The following KANK3 variants were observed in gnomAD, a reference collection of about 807,000 sequenced individuals.
KANK3 encodes KN motif and ankyrin repeat domains 3.
A neutral mutation model predicts 65.4 loss-of-function variants in KANK3; 61 were observed. That is an observed-to-expected ratio of 0.93 (90% CI 0.76 to 1.15). KANK3 has a LOEUF of 1.15. KANK3 is among the 50% of genes most tolerant of loss of function. The probability of loss-of-function intolerance (pLI) is 0.00; values close to 1 mark genes in which losing one functional copy is unlikely to be tolerated. For missense variants in KANK3, 1,187 were observed against 1,178.8 expected (o/e 1.01, Z -0.10); for synonymous variants, 586 against 543.3 (o/e 1.08, Z -1.09).
At chr19:8,338,106 C>A in intron 1 of KANK3, 2 of 381,200 alleles carry the variant, frequency 5.2e-6, no homozygotes, top group Non-Finnish European at 7.2e-6. Context: ...ATTGCAGCCT[C>A]CCCCTCCCGG....
At chr19:8,332,937 C>T in intron 7 of KANK3, 77 bp downstream of exon 7, 1 of 1,257,844 alleles carries the variant, frequency 8.0e-7, no homozygotes, top group Non-Finnish European at 1.1e-6. Context: ...TCTCCAGAGT[C>T]TTTGAGCCTA....
chr19:8,337,624 G>A (rs1158799625), intron 2 of KANK3, among the ~76,000 whole-genome samples, 171 bp downstream of exon 2: 1 of 152,162 alleles, frequency 6.6e-6, no homozygotes, highest in Admixed American at 6.6e-5. Context: ...GGGATTACAG[G>A]CATGAGCCAC....
intron 2 of KANK3, among the ~76,000 whole-genome samples, chr19:8,336,007 C>T (rs913490458): frequency 1.5e-4 from 23 of 152,248 alleles, no homozygotes; most frequent in Admixed American, 6.5e-5. Flanking sequence ...ACATCCCTGT[C>T]CTCCTGTAGA....
chr19:8,334,108 C>T lies in KANK3; in HGVS notation c.1436G>A (p.Ser479Asn). 1 of 1,516,398 alleles carries T rather than the reference C, an allele frequency of 6.6e-7. No individual in the cohort carries two copies. The highest frequency in any genetic ancestry group is 2.0e-4 in the Middle Eastern group (1 of 5,104). 93.9% of individuals were successfully genotyped at this position (1,516,398 alleles called of 1,614,324 possible). A position where few individuals can be genotyped will look rare whatever the true frequency, so the allele number is the denominator to read the frequency against. The change falls in exon 5 of 11, where the codon AGC (serine) becomes AAC (asparagine). Residue 479 changes from serine to asparagine, a missense_variant. By Grantham distance (46) the Ser-to-Asn change is conservative. Around this residue, in one of 3 missense-constraint regions of KANK3, gnomAD observed 1,078 missense variants for 1,038.2 expected, o/e 1.04. Coordinates refer to ENST00000330915, the MANE Select transcript of KANK3 (RefSeq NM_198471.3). ...GTCGCTGGCGTCCTCGCTGGAGGAG[C>T]TCTCGTACCTGGGGGCAGGGTGGGA... is the stretch of plus-strand genomic sequence containing the variant. ...FVGVLNGEYE[S>N]SSSEDASDSD...
chr19:8,327,317 C>G (rs1970445924), intron 7 of KANK3, among the ~76,000 whole-genome samples: 1 of 151,818 alleles, frequency 6.6e-6, no homozygotes, highest in South Asian at 2.1e-4. Flanking sequence ...GCCTGAGCAA[C>G]ATAGGAAGAC....
At chr19:8,327,528 G>C (rs1462909104) in intron 7 of KANK3, among the ~76,000 whole-genome samples, 1 of 152,162 alleles carries the variant, frequency 6.6e-6, no homozygotes, top group Non-Finnish European at 1.5e-5. Flanking sequence ...CTACTTGAGA[G>C]GCTGAGGCAG....
At position 8,337,874 on chromosome 19, in the gene KANK3, G is replaced by T. The variant is rs372536737; in HGVS notation, c.-28-18C>A. The T allele has an allele frequency of 1.9e-5, 30 of 1,612,540 alleles. No individual in the cohort carries two copies. In the Middle Eastern group the frequency reaches 8.2e-4, roughly 44 times the overall value. Reference sequence around the variant, plus strand: ...GAGGCACCCTGCAAAAGGGGTGAAGGTGGGGCTGGGCGCTGTCCCTCTGGC... The same window carrying T: ...GAGGCACCCTGCAAAAGGGGTGAAGTTGGGGCTGGGCGCTGTCCCTCTGGC... On this transcript the variant is annotated intron_variant, in intron 1 of 10. Transcript: ENST00000330915.
At position 8,334,387 on chromosome 19, in the gene KANK3, C is replaced by G. The variant is rs774262181; in HGVS notation, c.1360G>C (p.Gly454Arg). 23 of 1,614,084 alleles carry G rather than the reference C, an allele frequency of 1.4e-5. 1 individual carries two copies. In the South Asian group the frequency reaches 2.2e-4, roughly 15 times the overall value. The change falls in exon 4 of 11, where the codon GGC (glycine) becomes CGC (arginine). Residue 454 changes from glycine to arginine, a missense_variant. By Grantham distance (125) the Gly-to-Arg change is moderately radical. Around this residue, in one of 3 missense-constraint regions of KANK3, gnomAD observed 1,078 missense variants for 1,038.2 expected, o/e 1.04. Coordinates refer to ENST00000330915, the MANE Select transcript of KANK3 (RefSeq NM_198471.3). Reference protein sequence around the residue: ...ILKSIMKKRDGTPGAQPSSGP... With the variant: ...ILKSIMKKRDRTPGAQPSSGP... ...GAGCTGGGTTGGGCACCAGGTGTGC[C>G]GTCTCTCTTCTTCATGATGGATTTG...
In KANK3 at chr19:8,324,443, G is replaced by A. The variant is rs773158090; in HGVS notation, c.2382+6C>T. The A allele has an allele frequency of 7.5e-6, 12 of 1,591,878 alleles. No homozygotes were observed. In the East Asian group the frequency reaches 2.1e-4, roughly 28 times the overall value. On this transcript the variant is annotated splice_donor_region_variant and intron_variant, in intron 10 of 10. Coordinates refer to ENST00000330915, the MANE Select transcript of KANK3 (RefSeq NM_198471.3). ...GAAAGTTTGTTTCTTCCAGAGCTGT[G>A]CTCACCTGGGTGTCGGGCTGGCCCG...
At position 8,334,915 on chromosome 19, in the gene KANK3, G is replaced by T. The variant is rs890851; in HGVS notation, c.912C>A (p.Ala304=). 6.8e-7 allele frequency: 1 copy of T among 1,461,706 alleles called. No homozygotes were observed. 90.5% of individuals were successfully genotyped at this position (1,461,706 alleles called of 1,614,324 possible). A position where few individuals can be genotyped will look rare whatever the true frequency, so the allele number is the denominator to read the frequency against. ...CTCGGGTCTCGGGCACGGCCTCGGC[G>T]GCCACCTCCCGGGTCTGGGGCGTCC... ...LDGTPQTREV[A]AEAVPETREA... Residue 304 remains alanine, a synonymous_variant, in exon 3 of 11, where the codon GCC becomes GCA. Transcript: ENST00000330915.
At chr19:8,339,218 C>T (rs2913960) in intron 1 of KANK3, among the ~76,000 whole-genome samples, 22,608 of 152,074 alleles carry the variant, frequency 0.15, 2,055 homozygotes, top group Non-Finnish European at 0.21. Flanking sequence ...TGATATTTAA[C>T]AAGGACAAAT....
At chr19:8,339,361 G>GTGT (rs111896090) in intron 1 of KANK3, among the ~76,000 whole-genome samples, 22,875 of 138,890 alleles carry the variant, frequency 0.16, 2,074 homozygotes, top group Non-Finnish European at 0.21. Context: ...ATCTCTTTTT[G>GTGT]TTTTTTTTTT....
chr19:8,324,383 A>G lies in KANK3; in HGVS notation c.2382+66T>C, dbSNP rs567321236. The G allele has an allele frequency of 1.2e-4, 173 of 1,435,788 alleles. No homozygotes were observed. In the South Asian group the frequency reaches 2.0e-3, roughly 17 times the overall value. The allele number at this position is 1,435,788 out of a possible 1,614,324, so 88.9% of individuals were successfully genotyped here. A position where few individuals can be genotyped will look rare whatever the true frequency, so the allele number is the denominator to read the frequency against. On this transcript the variant is annotated intron_variant, in intron 10 of 10. Coordinates refer to ENST00000330915, the MANE Select transcript of KANK3 (RefSeq NM_198471.3). ...GAGCAGAAAGGGAGGCTCAGGGCAT[A>G]TTTACTATCCTCTGCAAACTGAATT...
intron 2 of KANK3, among the ~76,000 whole-genome samples, 182 bp downstream of exon 2, chr19:8,337,613 T>C (rs1340440310): frequency 6.6e-6 from 1 of 152,108 alleles, no homozygotes; most frequent in Non-Finnish European, 1.5e-5. Flanking sequence ...CCCAAAGTGC[T>C]GGGATTACAG....
Position 8,331,151 on chromosome 19 carries a change from T to TGGC in KANK3, c.1936+1862_1936+1863insGCC, listed in dbSNP as rs1265329895. Among the ~76,000 whole-genome samples the TGGC allele has an allele frequency of 6.7e-4, 99 of 148,330 alleles. 1 individual carries two copies. The highest frequency in any genetic ancestry group is 2.2e-3 in the African/African-American group (89 of 40,230). On this transcript the variant is annotated intron_variant, in intron 7 of 10. Coordinates refer to ENST00000330915, the MANE Select transcript of KANK3 (RefSeq NM_198471.3). ...TAGGTTGCAGTGAGCAGAGAGATCATGCCACTGCACTCCAGCCTGGGCGAC... is the reference window on the plus strand; with the variant it reads ...TAGGTTGCAGTGAGCAGAGAGATCATGGCGCCACTGCACTCCAGCCTGGGCGAC...
In KANK3 at chr19:8,322,850, G is replaced by A. The variant is rs770600414; in HGVS notation, c.2455C>T (p.Gln819Ter). The A allele has an allele frequency of 1.2e-6, 2 of 1,601,668 alleles. No individual in the cohort carries two copies. The highest frequency in any genetic ancestry group is 1.7e-5 in the Admixed American group (1 of 57,466). The change falls in exon 11 of 11, where the codon CAG becomes TAG. Residue 819 changes from glutamine (Q) to a stop codon, truncating the protein, a stop_gained. Coordinates refer to ENST00000330915, the MANE Select transcript of KANK3 (RefSeq NM_198471.3). LOFTEE classifies it high-confidence loss of function. The part of the protein sequence containing the change: ...GECGDNGENP[Q>*]VQ ...CCAGACGAGGCAGCTTACTGAACCT[G>A]GGGGTTCTCTCCATTGTCACCGCAT...
chr19:8,336,435 A>C (rs1970639674), intron 2 of KANK3, among the ~76,000 whole-genome samples: 1 of 148,486 alleles, frequency 6.7e-6, no homozygotes. Context: ...GAACCTCTCA[A>C]AAAAAAAAAA....
At chr19:8,330,796 C>T (rs1157726824) in intron 7 of KANK3, among the ~76,000 whole-genome samples, 1 of 151,868 alleles carries the variant, frequency 6.6e-6, no homozygotes, top group African/African-American at 2.4e-5. Context: ...CCCAGCTACT[C>T]AGGAGGCTGA....
intron 7 of KANK3, among the ~76,000 whole-genome samples, chr19:8,328,202 C>T (rs572235007): frequency 6.6e-6 from 1 of 152,158 alleles, no homozygotes; most frequent in Non-Finnish European, 1.5e-5. Flanking sequence ...CAATTAGGCC[C>T]AGGAGTTGGA....
Sources: gnomAD v4.1 joint callset for allele counts (sites outside exome capture counted in the v4.1 genomes callset) on GRCh38, gnomAD v4.1.1 for gene constraint, gnomAD v4.1.1 regional missense constraint, MANE v1.5 for transcripts, NCBI Gene and HGNC (gene_info 2026-07-23, HGNC 2026-07-21) for gene names.